Variants in THSD4 observed in about 807,000 individuals in gnomAD.
The protein encoded by THSD4 is thrombospondin type 1 domain containing 4.
THSD4 carries 69 observed loss-of-function variants against 119.0 expected under a neutral mutation model. That is an observed-to-expected ratio of 0.58 (90% CI 0.48 to 0.71). The LOEUF is 0.71. Ranked by LOEUF, THSD4 falls within the 30% of genes least tolerant of loss-of-function variation. The probability of loss-of-function intolerance (pLI) is 0.00; values close to 1 mark genes in which losing one functional copy is unlikely to be tolerated. For missense variants in THSD4, 1,393 were observed against 1,391.1 expected (o/e 1.00, Z -0.02); for synonymous variants, 524 against 540.4 (o/e 0.97, Z 0.42).
chr15:71,552,086 C>T (rs755788347), intron 7 of THSD4, among the ~76,000 whole-genome samples: 2 of 152,166 alleles, frequency 1.3e-5, no homozygotes, highest in African/African-American at 2.4e-5. Context: ...GGGAAAACAT[C>T]TATAGAGCCC....
At chr15:71,229,043 A>G (rs528046219) in intron 4 of THSD4, among the ~76,000 whole-genome samples, 1 of 152,332 alleles carries the variant, frequency 6.6e-6, no homozygotes, top group African/African-American at 2.4e-5. Flanking sequence ...CAAATAGTCT[A>G]TCCCTGTAAT....
In THSD4 at chr15:71,288,056, T is replaced by C. The variant is rs2044741223; in HGVS notation, c.1015+31341T>C. 2.6e-5 allele frequency among the ~76,000 whole-genome samples: 4 copies of C among 152,346 alleles called. No individual in the cohort carries two copies. In the South Asian group the frequency reaches 8.3e-4, roughly 32 times the overall value. ...ACAAAGTGCACTGGGTGATATTTTA[T>C]ACTGCAGATGTTCTAGTTTGCACCT... On this transcript the variant is annotated intron_variant, in intron 6 of 17. Coordinates refer to ENST00000261862, the MANE Select transcript of THSD4 (RefSeq NM_024817.3).
At chr15:71,300,726 G>A (rs1460017916) in intron 6 of THSD4, among the ~76,000 whole-genome samples, 1 of 152,180 alleles carries the variant, frequency 6.6e-6, no homozygotes, top group East Asian at 1.9e-4. Flanking sequence ...AACTCTCAGT[G>A]AAATGTCTGG....
chr15:71,233,638 C>T (rs2044078861), intron 4 of THSD4, among the ~76,000 whole-genome samples: 1 of 152,134 alleles, frequency 6.6e-6, no homozygotes, highest in African/African-American at 2.4e-5. Context: ...ACTCCAATAT[C>T]TGAATGCACC....
chr15:71,311,442 G>A (rs944647120), intron 6 of THSD4, among the ~76,000 whole-genome samples: 1 of 152,168 alleles, frequency 6.6e-6, no homozygotes, highest in Non-Finnish European at 1.5e-5. Flanking sequence ...TCTGGCATGG[G>A]TGCACCATTT....
intron 8 of THSD4, among the ~76,000 whole-genome samples, chr15:71,671,198 T>G (rs2051520618): frequency 6.6e-6 from 1 of 152,218 alleles, no homozygotes; most frequent in African/African-American, 2.4e-5. Flanking sequence ...AGATGGTATC[T>G]CATTGTGGTT....
intron 6 of THSD4, among the ~76,000 whole-genome samples, chr15:71,361,902 G>A (rs1034773747): frequency 1.3e-5 from 2 of 152,266 alleles, no homozygotes; most frequent in Non-Finnish European, 2.9e-5. Flanking sequence ...AAAAGAGGCA[G>A]ACAAATAAAT....
chr15:71,763,261 C>T lies in THSD4; in HGVS notation c.2590-1759C>T, dbSNP rs1051083126. Among the ~76,000 whole-genome samples the T allele has an allele frequency of 6.0e-5, 7 of 117,546 alleles. No individual in the cohort carries two copies. The South Asian group carries it at 9.9e-4, about 17-fold the overall frequency. The allele number at this position is 117,546 out of a possible 152,430, so 77.1% of individuals were successfully genotyped here. A position where few individuals can be genotyped will look rare whatever the true frequency, so the allele number is the denominator to read the frequency against. ...TCTGTAGATGCGTGTTTTTCTTTCTCTCTATTTTTATTTGATTGTGTGGCT... is the reference window on the plus strand; with the variant it reads ...TCTGTAGATGCGTGTTTTTCTTTCTTTCTATTTTTATTTGATTGTGTGGCT... On this transcript the variant is annotated intron_variant, in intron 15 of 17. Transcript: ENST00000261862.
chr15:71,428,585 G>A (rs2046904025), intron 7 of THSD4, among the ~76,000 whole-genome samples: 1 of 152,120 alleles, frequency 6.6e-6, no homozygotes, highest in African/African-American at 2.4e-5. Context: ...CAAAATTCAG[G>A]TCAAACCAAG....
Position 71,640,625 on chromosome 15 carries a change from G to T in THSD4, c.1153-19905G>T, listed in dbSNP as rs75264349. 3.2e-3 allele frequency among the ~76,000 whole-genome samples: 481 copies of T among 152,220 alleles called. 2 individuals are homozygous for T. Among genetic ancestry groups the T allele is most frequent in the African/African-American group, 0.011 (460 of 41,524 alleles). ...TGCTGATTATTGTTTAAAAACTTCAGGCTTTCCCCAAATTGCATGATATCT... is the reference window on the plus strand; with the variant it reads ...TGCTGATTATTGTTTAAAAACTTCATGCTTTCCCCAAATTGCATGATATCT... On this transcript the variant is annotated intron_variant, in intron 7 of 17. Coordinates refer to ENST00000261862, the MANE Select transcript of THSD4 (RefSeq NM_024817.3).
chr15:71,578,616 C>T (rs190107257), intron 7 of THSD4, among the ~76,000 whole-genome samples: 10 of 152,108 alleles, frequency 6.6e-5, no homozygotes, highest in African/African-American at 2.2e-4. Flanking sequence ...GGATTATAGG[C>T]GTAAGCCACC....
chr15:71,439,133 G>A (rs1595767688), intron 7 of THSD4, among the ~76,000 whole-genome samples: 3 of 152,266 alleles, frequency 2.0e-5, no homozygotes, highest in Admixed American at 2.0e-4. Context: ...GATTTGACAT[G>A]GAAAAACAAA....
At chr15:71,439,947 T>C (rs961120315) in intron 7 of THSD4, among the ~76,000 whole-genome samples, 1 of 152,126 alleles carries the variant, frequency 6.6e-6, no homozygotes, top group Admixed American at 6.6e-5. Context: ...CAAACCACCA[T>C]GGCATGTGTA....
intron 7 of THSD4, among the ~76,000 whole-genome samples, chr15:71,468,172 A>G (rs2047526694): frequency 6.6e-6 from 1 of 152,078 alleles, no homozygotes; most frequent in Non-Finnish European, 1.5e-5. Flanking sequence ...TATAAAGGGG[A>G]GCTCCCATGC....
intron 6 of THSD4, among the ~76,000 whole-genome samples, chr15:71,367,228 T>A (rs1172776419): frequency 7.3e-6 from 1 of 137,910 alleles, no homozygotes; most frequent in Non-Finnish European, 1.5e-5. Context: ...TTTTTTTTTT[T>A]TATTTTAAAA....
At chr15:71,647,180 G>A (rs948910757) in intron 7 of THSD4, among the ~76,000 whole-genome samples, 1 of 152,204 alleles carries the variant, frequency 6.6e-6, no homozygotes, top group Non-Finnish European at 1.5e-5. Context: ...ACTGGTTTAT[G>A]TGTCCTAAAT....
Position 71,270,826 on chromosome 15 carries a change from T to C in THSD4, c.1015+14111T>C, listed in dbSNP as rs1405705044. Among the ~76,000 whole-genome samples the C allele has an allele frequency of 6.8e-3, 45 of 6,616 alleles. 1 individual carries two copies. The highest frequency in any genetic ancestry group is 0.017 in the Non-Finnish European group (33 of 1,968). 4.3% of individuals were successfully genotyped at this position (6,616 alleles called of 152,430 possible). A position where few individuals can be genotyped will look rare whatever the true frequency, so the allele number is the denominator to read the frequency against. On this transcript the variant is annotated intron_variant, in intron 6 of 17. Coordinates refer to ENST00000261862, the MANE Select transcript of THSD4 (RefSeq NM_024817.3). ...GGGAATTAGAGTGGTCAGGTAGCCA[T>C]CTCTCTTTTTTTTTTTTTTAATGGC...
At chr15:71,226,025 A>T (rs1220415838) in intron 4 of THSD4, among the ~76,000 whole-genome samples, 1 of 151,954 alleles carries the variant, frequency 6.6e-6, no homozygotes, top group Non-Finnish European at 1.5e-5. Context: ...CATGGAAGGG[A>T]TCACTATTTC....
At chr15:71,389,012 C>A (rs1428748037) in intron 6 of THSD4, among the ~76,000 whole-genome samples, 1 of 152,058 alleles carries the variant, frequency 6.6e-6, no homozygotes. Context: ...TTCTCATTCT[C>A]TCTCTTGCCT....
Sources: gnomAD v4.1 joint callset for allele counts (sites outside exome capture counted in the v4.1 genomes callset) on GRCh38, gnomAD v4.1.1 for gene constraint, MANE v1.5 for transcripts, NCBI Gene and HGNC (gene_info 2026-07-23, HGNC 2026-07-21) for gene names.